The following GFI1B variants were observed in gnomAD, a reference collection of about 807,000 sequenced individuals.
GFI1B encodes the protein zinc finger protein Gfi-1b.
GFI1B carries 20 observed loss-of-function variants against 35.3 expected under a neutral mutation model. The observed-to-expected ratio is 0.57, with a 90% CI of 0.40 to 0.82. The LOEUF (loss-of-function observed/expected upper bound fraction) is 0.82, where lower values mean the gene tolerates loss of function less well. Ranked by LOEUF, GFI1B falls within the 40% of genes least tolerant of loss-of-function variation. The pLI, the probability that GFI1B is intolerant of heterozygous loss-of-function variation, is 0.00. For synonymous variants in GFI1B, 178 were observed against 177.6 expected (o/e 1.00, Z -0.02); for missense variants, 430 against 446.3 (o/e 0.96, Z 0.33).
intron 1 of GFI1B, among the ~76,000 whole-genome samples, chr9:132,949,955 A>C (rs574463386): frequency 1.0e-3 from 154 of 152,212 alleles, no homozygotes; most frequent in Middle Eastern, 6.8e-3. Flanking sequence ...CTCTACAAAA[A>C]ATAAAGATTA....
intron 1 of GFI1B, among the ~76,000 whole-genome samples, chr9:132,971,100 A>C (rs919974469): frequency 1.3e-5 from 2 of 152,220 alleles, no homozygotes; most frequent in African/African-American, 4.8e-5. Context: ...CCTGGGCTCA[A>C]GCAATCCTCC....
In GFI1B at chr9:132,989,203, G is replaced by T. The variant is rs781522860; in HGVS notation, c.648+5G>T. 28 of 1,610,710 alleles carry T rather than the reference G, an allele frequency of 1.7e-5. No homozygotes were observed. The highest frequency in any genetic ancestry group is 2.4e-5 in the Non-Finnish European group (28 of 1,178,458). On this transcript the variant is annotated splice_donor_5th_base_variant and intron_variant, in intron 5 of 6. Transcript: ENST00000372122. This position sits in a 1 kb window ranked among gnomAD's most constrained non-coding sequence, Gnocchi z 6.2. The stretch of plus-strand genomic sequence containing the variant: ...CACACGCACGTCCACTCCCAGGTGG[G>T]CACCTGGCCCAGCGCAGGACTCCCA...
At chr9:132,949,268 T>TACACACACACAC (rs36015720) in intron 1 of GFI1B, among the ~76,000 whole-genome samples, 23 of 137,682 alleles carry the variant, frequency 1.7e-4, no homozygotes, top group African/African-American at 5.5e-4. Context: ...AACCCACAGA[T>TACACACACACAC]ACACACACAC....
At chr9:132,963,784 A>C (rs1351641521) in intron 1 of GFI1B, 2 of 152,176 alleles carry the variant, frequency 1.3e-5, no homozygotes, top group Admixed American at 1.3e-4. Context: ...GTTTTTGCCC[A>C]AAAGCCTCTC....
intron 1 of GFI1B, among the ~76,000 whole-genome samples, chr9:132,972,416 C>T (rs1445598224): frequency 6.6e-6 from 1 of 151,470 alleles, no homozygotes; most frequent in East Asian, 1.9e-4. Context: ...AGCTAGACTC[C>T]GTTTCAAAAA....
intron 1 of GFI1B, among the ~76,000 whole-genome samples, chr9:132,961,260 A>G (rs1848357121): frequency 6.6e-6 from 1 of 152,174 alleles, no homozygotes; most frequent in African/African-American, 2.4e-5. Flanking sequence ...AACAAAACAA[A>G]ACAAAAACCT....
chr9:132,971,333 TC>T (rs529082230), intron 1 of GFI1B, among the ~76,000 whole-genome samples: 11 of 151,912 alleles, frequency 7.2e-5, no homozygotes, highest in East Asian at 5.8e-4. Context: ...GTTCCCTGTG[TC>T]CCCCCCACAC....
chr9:132,988,385 G>A lies in GFI1B; in HGVS notation c.427G>A (p.Val143Met), dbSNP rs750451502. The stretch of plus-strand genomic sequence containing the variant: ...CGTCAGCCTGTACGGCAGTCCTCTT[G>A]TGCCCAGCACTGAGCCCGCCTTGGA... ...HSVSLYGSPL[V>M]PSTEPALDFS... is the part of the protein sequence containing the mutation. The change falls in exon 4 of 7, where the codon GTG (valine) becomes ATG (methionine). Residue 143 changes from valine to methionine, a missense_variant. Transcript: ENST00000372122. The A allele has an allele frequency of 8.2e-5, 133 of 1,614,038 alleles. 1 individual carries two copies. Among genetic ancestry groups the A allele is most frequent in the South Asian group, 3.2e-4 (29 of 91,086 alleles).
chr9:132,962,066 C>CCA (rs1588411894), intron 1 of GFI1B, among the ~76,000 whole-genome samples: 1 of 48,006 alleles, frequency 2.1e-5, no homozygotes, highest in East Asian at 3.8e-4. Flanking sequence ...CACCTACACT[C>CCA]TACACACACA....
chr9:132,947,425 A>G (rs914659834), intron 1 of GFI1B, among the ~76,000 whole-genome samples: 30 of 127,302 alleles, frequency 2.4e-4, no homozygotes, highest in African/African-American at 7.0e-4. Flanking sequence ...AAAAAAAAAA[A>G]AAAAAGAAAG....
chr9:132,956,481 T>C (rs574249103), intron 1 of GFI1B, among the ~76,000 whole-genome samples: 26 of 152,310 alleles, frequency 1.7e-4, no homozygotes, highest in Non-Finnish European at 3.1e-4. Context: ...GGAAATATCC[T>C]AAAGGTGCCA....
At chr9:132,977,272 T>C (rs978043000), upstream of GFI1B, among the ~76,000 whole-genome samples, 2 of 152,104 alleles carry the variant, frequency 1.3e-5, no homozygotes, top group African/African-American at 4.8e-5. Flanking sequence ...AATAATTTTT[T>C]AAAAAGATGT....
rs1368762667 is a variant in GFI1B at position 132,962,080 on chromosome 9, A to ACG, written c.-700-10644_-700-10643insGC. 2.0e-5 allele frequency among the ~76,000 whole-genome samples: 3 copies of ACG among 149,022 alleles called. No individual in the cohort carries two copies. The East Asian group carries it at 5.9e-4, about 29-fold the overall frequency. On this transcript the variant is annotated intron_variant, in intron 1 of 10. Transcript: ENST00000339463. ...ACACCTACACTCTACACACACACAC[A>ACG]CACACACACACAACCCTACACTCAC...
In GFI1B at chr9:132,991,086, C is replaced by T. The variant is rs1199963325; in HGVS notation, c.*36C>T. 1 of 1,593,896 alleles carries T rather than the reference C, an allele frequency of 6.3e-7. No homozygotes were observed. The highest frequency in any genetic ancestry group is 1.3e-5 in the African/African-American group (1 of 74,654). ...GCTCCCAGCTCCTGGCCAGCCTGCC[C>T]TGCGGTCCTGTCACCTGGAGGCCAG... is the stretch of plus-strand genomic sequence containing the variant. On this transcript the variant is annotated 3_prime_UTR_variant, in exon 7 of 7. Coordinates refer to ENST00000372122, the MANE Select transcript of GFI1B (RefSeq NM_001377304.1).
At chr9:132,966,791 T>C (rs1848457428) in intron 1 of GFI1B, among the ~76,000 whole-genome samples, 1 of 152,240 alleles carries the variant, frequency 6.6e-6, no homozygotes, top group Non-Finnish European at 1.5e-5. Context: ...AGATGCCTCC[T>C]GATGCAGTGA....
At chr9:132,988,910 C>T in intron 4 of GFI1B, 151 bp from the exon 5 acceptor site, 1 of 749,688 alleles carries the variant, frequency 1.3e-6, no homozygotes, top group Non-Finnish European at 2.3e-6. Context: ...CTGGGACACA[C>T]AGCAAGCAAG....
Position 132,991,157 on chromosome 9 carries a change from G to A in GFI1B, c.*107G>A. Reference sequence around the variant, plus strand: ...AGTCTCCTGGAGGTGGGACTGGACAGGAGTCTACCAGCTTGTTTTGAGACT... The same window carrying A: ...AGTCTCCTGGAGGTGGGACTGGACAAGAGTCTACCAGCTTGTTTTGAGACT... On this transcript the variant is annotated 3_prime_UTR_variant, in exon 7 of 7. Coordinates refer to ENST00000372122, the MANE Select transcript of GFI1B (RefSeq NM_001377304.1). 3.0e-6 allele frequency: 3 copies of A among 1,005,668 alleles called. No individual in the cohort carries two copies. Among genetic ancestry groups the A allele is most frequent in the Non-Finnish European group, 4.6e-6 (3 of 657,624 alleles). 62.3% of individuals were successfully genotyped at this position (1,005,668 alleles called of 1,614,324 possible). A position where few individuals can be genotyped will look rare whatever the true frequency, so the allele number is the denominator to read the frequency against.
chr9:132,965,169 A>G (rs546172646), intron 1 of GFI1B, among the ~76,000 whole-genome samples: 18 of 152,308 alleles, frequency 1.2e-4, no homozygotes, highest in African/African-American at 4.3e-4. Context: ...CTAGTTCTGA[A>G]CACTGAAACA....
intron 1 of GFI1B, among the ~76,000 whole-genome samples, chr9:132,964,511 CG>C (rs1469737899): frequency 6.6e-6 from 1 of 152,034 alleles, no homozygotes; most frequent in Non-Finnish European, 1.5e-5. Flanking sequence ...CAAGAAGAGC[CG>C]GGGAAGGCCA....
Sources: allele counts gnomAD v4.1 joint callset (sites outside exome capture counted in the v4.1 genomes callset), GRCh38; gene constraint gnomAD v4.1.1; non-coding constraint Gnocchi (gnomAD v3.1); transcripts MANE v1.5; gene names NCBI Gene and HGNC (gene_info 2026-07-23, HGNC 2026-07-21).